PCDH7: variants seen among roughly 807,000 people sequenced by gnomAD.
The protein encoded by PCDH7 is protocadherin 7.
PCDH7 carries 17 observed loss-of-function variants against 58.9 expected under a neutral mutation model. The ratio of observed to expected loss-of-function variants is 0.29; its 90% CI spans 0.20 to 0.43. The LOEUF is 0.43. Ranked by LOEUF, PCDH7 falls within the 20% of genes least tolerant of loss-of-function variation. The pLI, the probability that PCDH7 is intolerant of heterozygous loss-of-function variation, is 1.00. For synonymous variants in PCDH7, 664 were observed against 616.4 expected (o/e 1.08, Z -1.14); for missense variants, 1,274 against 1,441.0 (o/e 0.88, Z 1.88).
At chr4:31,004,729 A>G (rs529028807) in intron 3 of PCDH7, among the ~76,000 whole-genome samples, 1 of 152,212 alleles carries the variant, frequency 6.6e-6, no homozygotes, top group African/African-American at 2.4e-5. Flanking sequence ...TTTATTGAAC[A>G]TTTGCTACCA....
chr4:30,767,117 T>C (rs28608891), intron 1 of PCDH7, among the ~76,000 whole-genome samples: 5,657 of 152,254 alleles, frequency 0.037, 256 homozygotes, highest in African/African-American at 0.11. Context: ...CAAATTCTCA[T>C]AGTAATAACC....
chr4:31,142,703 A>G (rs1236630411), exon 4 of PCDH7: 2 of 1,367,704 alleles, frequency 1.5e-6, no homozygotes, highest in South Asian at 2.3e-5. Flanking sequence ...CCTGAACAAA[A>G]AGTTGACCTC....
chr4:30,778,084 G>A (rs187692262), intron 1 of PCDH7, among the ~76,000 whole-genome samples: 1 of 152,042 alleles, frequency 6.6e-6, no homozygotes, highest in Non-Finnish European at 1.5e-5. Flanking sequence ...AGATGCCAAA[G>A]GTCACTTCAT....
chr4:30,779,309 G>A (rs1407715214), intron 1 of PCDH7, among the ~76,000 whole-genome samples: 4 of 152,212 alleles, frequency 2.6e-5, no homozygotes, highest in African/African-American at 9.6e-5. Flanking sequence ...ACAGGCATGA[G>A]CCACTAGGCC....
intron 1 of PCDH7, among the ~76,000 whole-genome samples, chr4:30,810,957 A>G (rs1260401146): frequency 6.6e-6 from 1 of 152,122 alleles, no homozygotes; most frequent in Non-Finnish European, 1.5e-5. Context: ...AAGTATTTTT[A>G]TCTTGTGGTT....
intron 1 of PCDH7, among the ~76,000 whole-genome samples, chr4:30,825,874 G>A (rs543351241): frequency 6.6e-6 from 1 of 152,228 alleles, no homozygotes; most frequent in East Asian, 1.9e-4. Context: ...AAGATGGGGT[G>A]GCTGCCAGTA....
At chr4:30,939,781 T>G (rs1745804647) in intron 2 of PCDH7, among the ~76,000 whole-genome samples, 1 of 152,126 alleles carries the variant, frequency 6.6e-6, no homozygotes, top group South Asian at 2.1e-4. Flanking sequence ...TCTAGAATTA[T>G]GCCTTTGACA....
intron 3 of PCDH7, among the ~76,000 whole-genome samples, chr4:30,969,598 T>A (rs1472571133): frequency 6.6e-6 from 1 of 151,950 alleles, no homozygotes; most frequent in Non-Finnish European, 1.5e-5. Flanking sequence ...AACTTCTAAG[T>A]CCCAGAGATC....
chr4:30,774,170 A>T, intron 1 of PCDH7, among the ~76,000 whole-genome samples: 1 of 151,992 alleles, frequency 6.6e-6, no homozygotes, highest in East Asian at 1.9e-4. Flanking sequence ...CCCTGTCTCC[A>T]CCCATACCCA....
At chr4:30,822,964 G>A (rs918127297) in intron 1 of PCDH7, among the ~76,000 whole-genome samples, 2 of 152,120 alleles carry the variant, frequency 1.3e-5, no homozygotes, top group Non-Finnish European at 2.9e-5. Context: ...GGGAAAAAAA[G>A]TAAGCATTAA....
At chr4:31,097,498 A>G (rs1224779318) in intron 3 of PCDH7, among the ~76,000 whole-genome samples, 5 of 98,290 alleles carry the variant, frequency 5.1e-5, no homozygotes, top group African/African-American at 1.6e-4. Flanking sequence ...GAAAAAAAGA[A>G]AGAAAGAAAG....
chr4:30,888,990 G>C (rs1220331475), intron 1 of PCDH7, among the ~76,000 whole-genome samples: 1 of 151,870 alleles, frequency 6.6e-6, no homozygotes, highest in Non-Finnish European at 1.5e-5. Context: ...AGAGCAACCT[G>C]GGCAATACAG....
intron 3 of PCDH7, among the ~76,000 whole-genome samples, chr4:31,035,109 T>C (rs1289580265): frequency 7.2e-5 from 11 of 152,206 alleles, no homozygotes; most frequent in Admixed American, 6.5e-4. Flanking sequence ...GATGAGGTTC[T>C]TTAGGAATCT....
At chr4:30,746,704 T>G (rs1717821786) in intron 1 of PCDH7, among the ~76,000 whole-genome samples, 1 of 152,232 alleles carries the variant, frequency 6.6e-6, no homozygotes, top group African/African-American at 2.4e-5. Flanking sequence ...TGGTCTAATA[T>G]GTTAACATTA....
At chr4:30,799,443 A>G (rs1725237654) in intron 1 of PCDH7, among the ~76,000 whole-genome samples, 1 of 152,226 alleles carries the variant, frequency 6.6e-6, no homozygotes, top group South Asian at 2.1e-4. Flanking sequence ...TATGCAAAGT[A>G]GTTAACCCAT....
intron 3 of PCDH7, among the ~76,000 whole-genome samples, chr4:31,098,480 AC>A (rs1714465224): frequency 2.6e-5 from 4 of 152,312 alleles, no homozygotes; most frequent in Admixed American, 1.3e-4. Flanking sequence ...GATGTGGACC[AC>A]TTTTTGCAAA....
rs139551931 is a variant in PCDH7 at position 30,727,128 on chromosome 4, C to T, written c.3174+2532C>T. ...CTAGACTGTTGTATTCTTTCAATTCCATACAGCAGGGTCTAATTTAAAAAT... is the reference window on the plus strand; with the variant it reads ...CTAGACTGTTGTATTCTTTCAATTCTATACAGCAGGGTCTAATTTAAAAAT... On this transcript the variant is annotated intron_variant, in intron 1 of 1. Transcript: ENST00000361762. Among the ~76,000 whole-genome samples, 60 of 151,878 alleles carry T rather than the reference C, an allele frequency of 4.0e-4. 1 individual carries two copies. In the East Asian group the frequency reaches 0.011, roughly 28 times the overall value.
chr4:30,844,352 C>T (rs1181735356), intron 1 of PCDH7, among the ~76,000 whole-genome samples: 1 of 152,096 alleles, frequency 6.6e-6, no homozygotes, highest in Non-Finnish European at 1.5e-5. Flanking sequence ...ATAGTATAAT[C>T]AGCAATTTAA....
chr4:30,754,685 T>A (rs1719034786), intron 1 of PCDH7, among the ~76,000 whole-genome samples: 1 of 152,230 alleles, frequency 6.6e-6, no homozygotes, highest in African/African-American at 2.4e-5. Context: ...GATACCCTTC[T>A]AAAGGATTTC....
Sources: allele counts gnomAD v4.1 joint callset (sites outside exome capture counted in the v4.1 genomes callset), GRCh38; gene constraint gnomAD v4.1.1; transcripts MANE v1.5; gene names NCBI Gene and HGNC (gene_info 2026-07-23, HGNC 2026-07-21).